The following SH3KBP1 variants were observed in gnomAD, a reference collection of about 807,000 sequenced individuals.
The protein encoded by SH3KBP1 is SH3 domain-containing kinase-binding protein 1.
In SH3KBP1, 8 loss-of-function variants were observed where a neutral mutation model predicts 50.1. The observed-to-expected ratio is 0.16, with a 90% confidence interval of 0.09 to 0.29. SH3KBP1 has a LOEUF of 0.29. Ranked by LOEUF, SH3KBP1 falls within the 10% of genes least tolerant of loss-of-function variation. The pLI is 1.00. For synonymous variants in SH3KBP1, 227 were observed against 218.6 expected (o/e 1.04, Z -0.34); for missense variants, 377 against 535.2 (o/e 0.70, Z 2.92).
chrX:19,838,097 A>G (rs890005810), intron 1 of SH3KBP1, among the ~76,000 whole-genome samples: 5 of 103,729 alleles, frequency 4.8e-5, no homozygotes, highest in Non-Finnish European at 9.5e-5. Flanking sequence ...AACAACAACA[A>G]CAAACCAACT....
At chrX:19,670,816 T>C in intron 6 of SH3KBP1, 1 of 1,068,569 alleles carries the variant, frequency 9.4e-7, no homozygotes, top group South Asian at 2.0e-5. Flanking sequence ...ACAGGTTAAC[T>C]GGATTTATTA....
At chrX:19,591,487 T>G (rs941593132) in intron 11 of SH3KBP1, among the ~76,000 whole-genome samples, 1 of 111,302 alleles carries the variant, frequency 9.0e-6, no homozygotes, top group African/African-American at 3.3e-5. Flanking sequence ...CCTGACCACC[T>G]TCAGGAGACG....
chrX:19,857,266 A>G (rs1177987421), intron 1 of SH3KBP1, among the ~76,000 whole-genome samples: 3 of 110,159 alleles, frequency 2.7e-5, no homozygotes, highest in African/African-American at 9.9e-5. Context: ...AGGAAGTATA[A>G]CTATAAATAT....
chrX:19,604,763 T>A, intron 9 of SH3KBP1, among the ~76,000 whole-genome samples: 1 of 112,014 alleles, frequency 8.9e-6, no homozygotes, highest in Admixed American at 9.5e-5. Context: ...TAACAACCAA[T>A]GTGAAGATGG....
intron 9 of SH3KBP1, among the ~76,000 whole-genome samples, chrX:19,603,696 CT>C (rs1214642277): frequency 9.0e-6 from 1 of 110,881 alleles, no homozygotes; most frequent in African/African-American, 3.3e-5. Context: ...CTGAGATTTA[CT>C]TTTTTTTTGA....
intron 1 of SH3KBP1, among the ~76,000 whole-genome samples, chrX:19,862,346 G>C (rs2068798639): frequency 8.9e-6 from 1 of 112,148 alleles, no homozygotes; most frequent in Non-Finnish European, 1.9e-5. Context: ...CTCGAAAATT[G>C]ATATGGATAG....
chrX:19,725,376 TAGA>T (rs1267519296), intron 3 of SH3KBP1, among the ~76,000 whole-genome samples: 8 of 106,236 alleles, frequency 7.5e-5, no homozygotes, highest in African/African-American at 2.8e-4. Context: ...TAGGCTGAGG[TAGA>T]AGGATTGCTT....
At chrX:19,759,679 T>C (rs1482148889) in intron 2 of SH3KBP1, among the ~76,000 whole-genome samples, 1 of 111,265 alleles carries the variant, frequency 9.0e-6, no homozygotes, top group African/African-American at 3.3e-5. Flanking sequence ...AGATCATTAA[T>C]CTACGGAAGG....
intron 7 of SH3KBP1, among the ~76,000 whole-genome samples, chrX:19,637,800 C>T (rs1049873755): frequency 4.5e-5 from 5 of 111,070 alleles, no homozygotes; most frequent in Admixed American, 9.6e-5. Context: ...TTAGTCTGGC[C>T]GGGCGCGGTG....
intron 3 of SH3KBP1, among the ~76,000 whole-genome samples, chrX:19,735,128 A>G (rs1458215826): frequency 9.0e-6 from 1 of 111,666 alleles, no homozygotes; most frequent in African/African-American, 3.3e-5. Context: ...CAATCCTTTT[A>G]ATTTCTCTTA....
intron 13 of SH3KBP1, among the ~76,000 whole-genome samples, chrX:19,562,395 A>C (rs905310895): frequency 7.2e-5 from 8 of 111,305 alleles, no homozygotes; most frequent in African/African-American, 2.6e-4. Flanking sequence ...TGAGAGCTGA[A>C]CATCACCTGT....
intron 13 of SH3KBP1, among the ~76,000 whole-genome samples, chrX:19,562,321 G>A (rs2065705498): frequency 9.0e-6 from 1 of 110,970 alleles, no homozygotes; most frequent in Admixed American, 9.6e-5. Flanking sequence ...GCCAATCCAT[G>A]AGCCCACAGC....
intron 2 of SH3KBP1, among the ~76,000 whole-genome samples, chrX:19,822,638 T>G (rs1382416146): frequency 8.9e-6 from 1 of 112,582 alleles, no homozygotes; most frequent in Non-Finnish European, 1.9e-5. Flanking sequence ...CTGAGTCTTC[T>G]CAGTATTAAT....
chrX:19,551,841 G>T (rs918619860), intron 13 of SH3KBP1, among the ~76,000 whole-genome samples: 2 of 110,745 alleles, frequency 1.8e-5, no homozygotes, highest in Non-Finnish European at 3.8e-5. Flanking sequence ...TACACACTTG[G>T]ATGGATGCAA....
intron 9 of SH3KBP1, among the ~76,000 whole-genome samples, chrX:19,601,249 A>G (rs1289747890): frequency 1.8e-5 from 2 of 111,574 alleles, no homozygotes; most frequent in African/African-American, 6.5e-5. Context: ...CAGGAAGGAA[A>G]TAGATATAAA....
chrX:19,586,774 C>T (rs945364372), intron 12 of SH3KBP1, among the ~76,000 whole-genome samples: 1 of 112,003 alleles, frequency 8.9e-6, no homozygotes, highest in African/African-American at 3.2e-5. Context: ...AGCTCTGTAT[C>T]GACTGGGCAG....
chrX:19,683,045 T>C (rs2063092658), intron 6 of SH3KBP1, among the ~76,000 whole-genome samples: 1 of 111,902 alleles, frequency 8.9e-6, no homozygotes, highest in South Asian at 3.7e-4. Flanking sequence ...TTAACAAACA[T>C]GCCTTAAGCA....
At position 19,620,836 on chromosome X, in the gene SH3KBP1, T is replaced by C. The variant is rs1273711653; in HGVS notation, c.897+11028A>G. Among the ~76,000 whole-genome samples the C allele has an allele frequency of 4.5e-5, 5 of 111,805 alleles. No homozygotes were observed. In the East Asian group the frequency reaches 1.4e-3, roughly 31 times the overall value. On this transcript the variant is annotated intron_variant, in intron 8 of 17. Transcript: ENST00000397821. ...CAAGAGTGTCTTTGCAGAGCAAAAG[T>C]TTTTAATTTTGCTGAAGTTCAATTT...
intron 1 of SH3KBP1, among the ~76,000 whole-genome samples, chrX:19,868,258 T>G (rs1474593965): frequency 8.9e-6 from 1 of 111,819 alleles, no homozygotes; most frequent in African/African-American, 3.3e-5. Flanking sequence ...AGCTGCTCTG[T>G]TAGCTTCGCT....
Sources: gnomAD v4.1 joint callset for allele counts (sites outside exome capture counted in the v4.1 genomes callset) on GRCh38, gnomAD v4.1.1 for gene constraint, MANE v1.5 for transcripts, NCBI Gene and HGNC (gene_info 2026-07-23, HGNC 2026-07-21) for gene names.